The following DCAF1 variants were observed in gnomAD, a reference collection of about 807,000 sequenced individuals.
DCAF1 encodes DDB1- and CUL4-associated factor 1.
In DCAF1, 15 loss-of-function variants were observed where a neutral mutation model predicts 128.0. The observed-to-expected ratio is 0.12, with a 90% CI of 0.08 to 0.18. The LOEUF (loss-of-function observed/expected upper bound fraction) is 0.18, where lower values mean the gene tolerates loss of function less well. Ranked by LOEUF, DCAF1 falls within the 10% of genes least tolerant of loss-of-function variation. DCAF1 has a pLI of 1.00. For missense variants in DCAF1, 988 were observed against 1,649.5 expected, an observed-to-expected ratio of 0.60 and a Z score of 6.95; for synonymous variants, 610 against 603.0, an observed-to-expected ratio of 1.01 and a Z score of -0.17.
intron 9 of DCAF1, chr3:51,440,186 C>A (rs782110401): frequency 4.0e-6 from 2 of 505,962 alleles, no homozygotes. Flanking sequence ...AGATAGTAAG[C>A]CTCCTCTCTT....
At chr3:51,419,142 A>G (rs782720550) in intron 15 of DCAF1, among the ~76,000 whole-genome samples, 3 of 152,026 alleles carry the variant, frequency 2.0e-5, no homozygotes, top group Non-Finnish European at 4.4e-5. Flanking sequence ...GGGGGTATCA[A>G]TTGAGGTCAG....
chr3:51,409,020 CT>C (rs1274588143), intron 23 of DCAF1, among the ~76,000 whole-genome samples: 1 of 152,168 alleles, frequency 6.6e-6, no homozygotes. Flanking sequence ...TTAGAGCCCT[CT>C]TGACCCTGCC....
At position 51,453,813 on chromosome 3, in the gene DCAF1, C is replaced by T. The variant is rs983639453; in HGVS notation, c.375+9301G>A. Among the ~76,000 whole-genome samples, 8 of 151,884 alleles carry T rather than the reference C, an allele frequency of 5.3e-5. No individual in the cohort carries two copies. The South Asian group carries it at 8.3e-4, about 16-fold the overall frequency. ...ACTAAAAATATAAAAATTAGCCAGG[C>T]GTGGTGGCACGCACCTGTAATCCCA... is the stretch of plus-strand genomic sequence containing the variant. On this transcript the variant is annotated intron_variant, in intron 6 of 24. Transcript: ENST00000684031.
chr3:51,461,014 G>T (rs1466279666), intron 6 of DCAF1, among the ~76,000 whole-genome samples: 1 of 152,124 alleles, frequency 6.6e-6, no homozygotes, highest in Non-Finnish European at 1.5e-5. Flanking sequence ...AGGACTTCAT[G>T]TCTAAAACAC....
intron 24 of DCAF1, among the ~76,000 whole-genome samples, chr3:51,402,930 G>A (rs1434616288): frequency 6.6e-6 from 1 of 152,170 alleles, no homozygotes; most frequent in African/African-American, 2.4e-5. Context: ...CTACTTGAAA[G>A]ATAAGAAATG....
upstream of DCAF1, among the ~76,000 whole-genome samples, chr3:51,502,824 A>G (rs1169560624): frequency 6.6e-6 from 1 of 151,050 alleles, no homozygotes; most frequent in Non-Finnish European, 1.5e-5. Context: ...ACCTTCAAAC[A>G]CCTCCTTCCC....
intron 21 of DCAF1, 83 bp downstream of exon 21, chr3:51,413,198 TA>T (rs777799457): frequency 1.3e-6 from 2 of 1,546,158 alleles, no homozygotes; most frequent in Non-Finnish European, 8.7e-7. Context: ...AATAAAAAAT[TA>T]CAGGCCTCCA....
chr3:51,473,425 CTT>C (rs782196520), intron 3 of DCAF1, among the ~76,000 whole-genome samples: 10 of 74,160 alleles, frequency 1.3e-4, no homozygotes, highest in East Asian at 9.2e-4. Context: ...ACTTTCTAGT[CTT>C]TTTTTTTTTT....
chr3:51,431,731 T>G (rs1553635634), intron 10 of DCAF1, among the ~76,000 whole-genome samples: 1 of 149,154 alleles, frequency 6.7e-6, no homozygotes, highest in Non-Finnish European at 1.5e-5. Flanking sequence ...GTGGGAGGAG[T>G]ACTTGAGTCC....
chr3:51,415,435 T>C (rs1217790196), intron 18 of DCAF1, among the ~76,000 whole-genome samples: 1 of 152,126 alleles, frequency 6.6e-6, no homozygotes, highest in Non-Finnish European at 1.5e-5. Context: ...GTCAAGGCTG[T>C]GGTGAGCTGT....
At position 51,398,788 on chromosome 3, in the gene DCAF1, A is replaced by G; in HGVS notation, c.4505T>C (p.Ile1502Thr). The change falls in exon 25 of 25, where the codon ATC becomes ACC. Residue 1502 changes from isoleucine to threonine, a missense_variant. By Grantham distance (89) the Ile-to-Thr change is moderately conservative. Around this residue, in one of 11 missense-constraint regions of DCAF1, gnomAD observed 97 missense variants for 134.5 expected, o/e 0.72. Coordinates refer to ENST00000684031, the MANE Select transcript of DCAF1 (RefSeq NM_001387579.1). Reference sequence around the variant, plus strand: ...GGCTCCTCACTCATTCAGAGATAAGATGATGTCATCTTCCAAATCAGAGTT... The same window carrying G: ...GGCTCCTCACTCATTCAGAGATAAGGTGATGTCATCTTCCAAATCAGAGTT... ...SDNSDLEDDI[I>T]LSLNE The G allele has an allele frequency of 6.3e-7, 1 of 1,591,378 alleles. No individual in the cohort carries two copies.
rs373949504 is a variant in DCAF1 at position 51,453,154 on chromosome 3, C to T, written c.376-9251G>A. Among the ~76,000 whole-genome samples, 304 of 152,224 alleles carry T rather than the reference C, an allele frequency of 2.0e-3. 6 individuals carry two copies. In the South Asian group the frequency reaches 0.056, roughly 28 times the overall value. On this transcript the variant is annotated intron_variant, in intron 6 of 24. Transcript: ENST00000684031. Reference sequence around the variant, plus strand: ...AAAGACAGATTCTTCTAGTCTCACACGGGTTGCTAACTGGAGATTTTAGTC... The same window carrying T: ...AAAGACAGATTCTTCTAGTCTCACATGGGTTGCTAACTGGAGATTTTAGTC...
intron 2 of DCAF1, among the ~76,000 whole-genome samples, chr3:51,485,060 C>A (rs546052606): frequency 1.3e-5 from 2 of 152,086 alleles, no homozygotes; most frequent in African/African-American, 4.8e-5. Flanking sequence ...GGATTACAGG[C>A]ATGCACCACC....
intron 13 of DCAF1, among the ~76,000 whole-genome samples, chr3:51,424,795 G>A (rs1241339080): frequency 3.9e-5 from 6 of 152,088 alleles, no homozygotes; most frequent in Non-Finnish European, 7.4e-5. Context: ...GCAGTATGAC[G>A]TTATTATTTA....
intron 6 of DCAF1, among the ~76,000 whole-genome samples, chr3:51,462,669 C>T (rs1306713789): frequency 2.7e-5 from 4 of 150,554 alleles, no homozygotes; most frequent in Non-Finnish European, 5.9e-5. Context: ...TCACTTAAGC[C>T]CGGGAGGCAG....
chr3:51,412,557 GC>G, intron 22 of DCAF1, 77 bp from the exon 23 acceptor site: 1 of 1,595,824 alleles, frequency 6.3e-7, no homozygotes, highest in Non-Finnish European at 8.5e-7. Flanking sequence ...CCTGACTGGT[GC>G]CCATGACCTT....
chr3:51,396,116 A>AACTT (rs1414645744), downstream of DCAF1: 45 of 408,140 alleles, frequency 1.1e-4, no homozygotes, highest in African/African-American at 6.0e-4. Flanking sequence ...TTAAGTCCAA[A>AACTT]ACTTCTTCTC....
At chr3:51,454,741 T>C (rs1351518548) in intron 6 of DCAF1, among the ~76,000 whole-genome samples, 2 of 151,860 alleles carry the variant, frequency 1.3e-5, no homozygotes, top group Non-Finnish European at 2.9e-5. Flanking sequence ...TGGCACAATC[T>C]TGGCTCACTG....
Position 51,424,794 on chromosome 3 carries a change from C to T in DCAF1, c.1848-2363G>A, listed in dbSNP as rs961799438. On this transcript the variant is annotated intron_variant, in intron 13 of 24. Transcript: ENST00000684031. ...TTTAAAAACATGCAAAGCAGTATGA[C>T]GTTATTATTTATGAACACACAGATA... Among the ~76,000 whole-genome samples, 5 of 151,988 alleles carry T rather than the reference C, an allele frequency of 3.3e-5. No individual in the cohort carries two copies. In the East Asian group the frequency reaches 5.8e-4, roughly 18 times the overall value.
Sources: gnomAD v4.1 joint callset for allele counts (sites outside exome capture counted in the v4.1 genomes callset) on GRCh38, gnomAD v4.1.1 for gene constraint, gnomAD v4.1.1 regional missense constraint, MANE v1.5 for transcripts, NCBI Gene and HGNC (gene_info 2026-07-23, HGNC 2026-07-21) for gene names.